ZNF883: variants seen among roughly 807,000 people sequenced by gnomAD.
ZNF883 encodes zinc finger protein 883.
intron 1 of ZNF883, among the ~76,000 whole-genome samples, chr9:112,989,398 G>GT (rs1828281270): frequency 6.6e-6 from 1 of 152,102 alleles, no homozygotes; most frequent in South Asian, 2.1e-4. Flanking sequence ...CCAATTGCTT[G>GT]TTTTTTCAGG....
Position 112,988,404 on chromosome 9 carries a change from TTTCTG to T in ZNF883, n.310-4830_310-4826del, listed in dbSNP as rs1425023864. Among the ~76,000 whole-genome samples the T allele has an allele frequency of 3.3e-5, 5 of 152,160 alleles. 1 individual carries two copies. Among genetic ancestry groups the T allele is most frequent in the Non-Finnish European group, 7.4e-5 (5 of 68,022 alleles). Reference sequence around the variant, plus strand: ...TAAGTGAGAACACACAGTGTTTAGTTTTCTGTTCCTGTGTTAGTTTGCTGAGGATA... The same window carrying T: ...TAAGTGAGAACACACAGTGTTTAGTTTTCCTGTGTTAGTTTGCTGAGGATA... On this transcript the variant is annotated intron_variant and non_coding_transcript_variant, in intron 1 of 9. Coordinates refer to the ZNF883 transcript ENST00000638823.
downstream of ZNF883, among the ~76,000 whole-genome samples, chr9:112,996,811 AAAAAAAAAAAAAAG>A (rs1289376777): frequency 2.4e-4 from 36 of 150,260 alleles, no homozygotes; most frequent in African/African-American, 7.5e-4. Flanking sequence ...AAAAAAAAAA[AAAAAAAAAAAAAAG>A]TTTTTTTATA....
intron 2 of ZNF883, among the ~76,000 whole-genome samples, chr9:113,005,521 G>A (rs1587897185): frequency 6.6e-6 from 1 of 152,170 alleles, no homozygotes; most frequent in Non-Finnish European, 1.5e-5. Context: ...ACTGTTTTAA[G>A]TATTGGGAAA....
At chr9:112,998,924 G>A (rs892008749), upstream of ZNF883, 7 of 151,962 alleles carry the variant, frequency 4.6e-5, no homozygotes, top group African/African-American at 1.2e-4. Context: ...CTTTTGACTC[G>A]CTTTTTCTTG....
intron 2 of ZNF883, among the ~76,000 whole-genome samples, chr9:113,009,276 A>T (rs1448816845): frequency 1.3e-5 from 2 of 152,196 alleles, no homozygotes; most frequent in African/African-American, 4.8e-5. Context: ...ATAAAAGCCA[A>T]ACTGGCTGTG....
chr9:112,999,144 A>G (rs1157374935), upstream of ZNF883: 11 of 152,230 alleles, frequency 7.2e-5, no homozygotes, highest in Admixed American at 7.2e-4. Flanking sequence ...TTCCTCTGAA[A>G]TACAAAGGCA....
chr9:113,009,006 C>A (rs1250157168), intron 2 of ZNF883, among the ~76,000 whole-genome samples: 1 of 151,928 alleles, frequency 6.6e-6, no homozygotes, highest in Non-Finnish European at 1.5e-5. Flanking sequence ...AAAAGTCAGA[C>A]AATGAAGGAA....
exon 1 of ZNF883, chr9:112,997,875 C>T (rs1209709875): frequency 1.2e-6 from 2 of 1,613,538 alleles, no homozygotes; most frequent in African/African-American, 1.3e-5. Flanking sequence ...TTCCCACATT[C>T]ATTACAAGGA....
chr9:113,009,555 G>A (rs954092989), intron 2 of ZNF883, among the ~76,000 whole-genome samples: 1 of 151,802 alleles, frequency 6.6e-6, no homozygotes, highest in African/African-American at 2.4e-5. Context: ...TGTAGCCCAG[G>A]CTGGAATGCA....
At chr9:113,001,138 A>G (rs537706362), upstream of ZNF883, among the ~76,000 whole-genome samples, 1 of 152,130 alleles carries the variant, frequency 6.6e-6, no homozygotes, top group African/African-American at 2.4e-5. Context: ...TTAGCAGAAG[A>G]CAAGAATCTA....
At chr9:112,999,738 A>C (rs927444011), upstream of ZNF883, 6 of 152,350 alleles carry the variant, frequency 3.9e-5, no homozygotes, top group African/African-American at 1.4e-4. Context: ...CAAGGTGGGC[A>C]GAAGGGAAAG....
intron 1 of ZNF883, among the ~76,000 whole-genome samples, 182 bp from the exon 2 acceptor site, chr9:113,011,409 T>C (rs549446668): frequency 6.6e-6 from 1 of 152,310 alleles, no homozygotes; most frequent in East Asian, 1.9e-4. Flanking sequence ...TGGTCCAATC[T>C]GACAAACCAG....
intron 1 of ZNF883, among the ~76,000 whole-genome samples, chr9:112,988,891 T>C (rs1310659154): frequency 8.3e-6 from 1 of 120,240 alleles, no homozygotes; most frequent in Non-Finnish European, 1.7e-5. Flanking sequence ...ATTAGTGATG[T>C]TGGTTTTTTT....
intron 1 of ZNF883, among the ~76,000 whole-genome samples, chr9:112,992,003 C>G (rs935223773): frequency 6.6e-6 from 1 of 152,182 alleles, no homozygotes; most frequent in African/African-American, 2.4e-5. Context: ...CTCTTGAATA[C>G]AACACACTGA....
chr9:113,001,751 G>A (rs1395422984), upstream of ZNF883, among the ~76,000 whole-genome samples: 2 of 152,116 alleles, frequency 1.3e-5, no homozygotes, highest in Non-Finnish European at 2.9e-5. Flanking sequence ...TTAGTTGGAA[G>A]ATAATATCAA....
upstream of ZNF883, among the ~76,000 whole-genome samples, chr9:113,003,140 G>A (rs755313779): frequency 2.0e-4 from 30 of 152,168 alleles, no homozygotes; most frequent in African/African-American, 4.1e-4. Context: ...GTCCCCACAC[G>A]TCAAGGATTG....
rs79084524 is a variant in ZNF883, at chr9:113,003,798, C to A, written n.166-1725G>T. Among the ~76,000 whole-genome samples, 869 of 152,216 alleles carry A rather than the reference C, an allele frequency of 5.7e-3. 4 individuals carry two copies. The highest frequency in any genetic ancestry group is 0.014 in the Middle Eastern group (4 of 294). On this transcript the variant is annotated intron_variant and non_coding_transcript_variant, in intron 2 of 4. Coordinates refer to the ZNF883 transcript ENST00000638622. ...ACAAAAGGGCAGAGTAACTTCAAAG[C>A]AGAAACAATAAGACTGCTGACTCCT...
chr9:112,997,477 T>G, exon 1 of ZNF883: 1 of 1,614,152 alleles, frequency 6.2e-7, no homozygotes, highest in East Asian at 2.2e-5. Context: ...AGGGCTTCTC[T>G]CCAGTATGAG....
downstream of ZNF883, among the ~76,000 whole-genome samples, chr9:112,996,023 G>A (rs1302021408): frequency 6.6e-6 from 1 of 151,798 alleles, no homozygotes; most frequent in Non-Finnish European, 1.5e-5. Flanking sequence ...TTTCCTTTCT[G>A]AATTCAATGT....
Sources: allele counts gnomAD v4.1 joint callset (sites outside exome capture counted in the v4.1 genomes callset), GRCh38; gene constraint gnomAD v4.1.1; transcripts MANE v1.5; gene names NCBI Gene and HGNC (gene_info 2026-07-23, HGNC 2026-07-21).